BMAL2: variants seen among roughly 807,000 people sequenced by gnomAD.
The protein encoded by BMAL2 is basic helix-loop-helix ARNT like 2.
At chr12:27,360,812 A>AAAAAAAAAAAAAAC in the BMAL2 span, among the ~76,000 whole-genome samples, 2 of 148,838 alleles carry the variant, frequency 1.3e-5, 1 homozygote, top group Admixed American at 1.4e-4. Context: ...CCAAAAAAAA[A>AAAAAAAAAAAAAAC]AAAAAAAAAA....
At chr12:27,404,781 C>A in the BMAL2 span, among the ~76,000 whole-genome samples, 1 of 152,238 alleles carries the variant, frequency 6.6e-6, no homozygotes, top group Non-Finnish European at 1.5e-5. Flanking sequence ...GCGCACCAAG[C>A]GTGAGCCGAA....
the BMAL2 span, chr12:27,370,157 G>A: frequency 1.3e-5 from 21 of 1,613,938 alleles, no homozygotes; most frequent in African/African-American, 9.3e-5. Flanking sequence ...AAAAGTGGTG[G>A]AAAAGCTTTC....
At chr12:27,419,448 A>G in the BMAL2 span, among the ~76,000 whole-genome samples, 5 of 152,304 alleles carry the variant, frequency 3.3e-5, no homozygotes, top group South Asian at 2.1e-4. Context: ...TTTTATCACA[A>G]ACTCCCTCTT....
the BMAL2 span, among the ~76,000 whole-genome samples, chr12:27,404,756 A>AGGAT: frequency 1.3e-5 from 2 of 152,166 alleles, no homozygotes; most frequent in East Asian, 3.9e-4. Context: ...CAGTGGGTGC[A>AGGAT]GGACAGTGGG....
the BMAL2 span, among the ~76,000 whole-genome samples, chr12:27,371,900 C>G: frequency 6.6e-6 from 1 of 152,190 alleles, no homozygotes; most frequent in Non-Finnish European, 1.5e-5. Flanking sequence ...CCATTCTCCT[C>G]TCTCCTGATC....
chr12:27,374,700 C>T, the BMAL2 span, among the ~76,000 whole-genome samples: 1 of 152,208 alleles, frequency 6.6e-6, no homozygotes, highest in Non-Finnish European at 1.5e-5. Context: ...ACACAACAGG[C>T]TGACGGTGGT....
the BMAL2 span, chr12:27,387,108 A>G: frequency 1.5e-6 from 1 of 682,006 alleles, no homozygotes; most frequent in Non-Finnish European, 2.6e-6. Flanking sequence ...TAGCTCCATG[A>G]CTACTCTGTT....
chr12:27,416,847 C>T, the BMAL2 span, among the ~76,000 whole-genome samples: 4 of 152,072 alleles, frequency 2.6e-5, no homozygotes, highest in Non-Finnish European at 5.9e-5. Flanking sequence ...CTGTAATCCC[C>T]GCTACTGCAG....
chr12:27,403,416 C>T, the BMAL2 span: 1 of 1,446,922 alleles, frequency 6.9e-7, no homozygotes. Context: ...TGAATTTCTC[C>T]TTTTGCTGTT....
the BMAL2 span, among the ~76,000 whole-genome samples, chr12:27,374,987 TTGGAA>T: frequency 1.3e-5 from 2 of 152,328 alleles, no homozygotes; most frequent in African/African-American, 4.8e-5. Context: ...TCTTTTTTAT[TTGGAA>T]TATTTATAAG....
At chr12:27,356,076 C>T in the BMAL2 span, among the ~76,000 whole-genome samples, 1 of 152,132 alleles carries the variant, frequency 6.6e-6, no homozygotes, top group African/African-American at 2.4e-5. Flanking sequence ...TTGGCCTTCC[C>T]TGTCCAGGCT....
At chr12:27,367,640 T>C in the BMAL2 span, among the ~76,000 whole-genome samples, 1 of 152,142 alleles carries the variant, frequency 6.6e-6, no homozygotes, top group Non-Finnish European at 1.5e-5. Context: ...TCTTTTACAA[T>C]ATAGGGGGAA....
the BMAL2 span, among the ~76,000 whole-genome samples, chr12:27,412,375 T>C: frequency 6.6e-6 from 1 of 152,138 alleles, no homozygotes; most frequent in Non-Finnish European, 1.5e-5. Flanking sequence ...GGTTCCTAAC[T>C]AAGGTAAAGT....
chr12:27,364,569 C>G, the BMAL2 span, among the ~76,000 whole-genome samples: 3 of 152,050 alleles, frequency 2.0e-5, no homozygotes, highest in Non-Finnish European at 4.4e-5. Flanking sequence ...ATTACTGTGT[C>G]TTTACAAGTC....
chr12:27,390,310 GA>G, the BMAL2 span: 9 of 1,483,136 alleles, frequency 6.1e-6, no homozygotes, highest in Non-Finnish European at 8.3e-6. Flanking sequence ...TTTCTGTACA[GA>G]AAAAATAAAA....
the BMAL2 span, chr12:27,400,671 C>A: frequency 2.5e-6 from 4 of 1,613,834 alleles, no homozygotes; most frequent in African/African-American, 5.3e-5. Context: ...TGGAAGATTA[C>A]AGCCATATAT....
the BMAL2 span, chr12:27,421,821 G>A: frequency 1.6e-4 from 25 of 152,218 alleles, no homozygotes; most frequent in South Asian, 3.1e-3. Context: ...AATGTTTAAT[G>A]TATATAAACC....
chr12:27,390,141 T>G, the BMAL2 span: 2 of 1,614,074 alleles, frequency 1.2e-6, no homozygotes, highest in East Asian at 2.2e-5. Flanking sequence ...AGGACACGTG[T>G]GTATTCTGGC....
the BMAL2 span, among the ~76,000 whole-genome samples, chr12:27,413,905 A>T: frequency 6.6e-6 from 1 of 152,172 alleles, no homozygotes; most frequent in Admixed American, 6.5e-5. Flanking sequence ...ATGGTGGCAC[A>T]CACCGGTAGT....
Sources: allele counts gnomAD v4.1 joint callset (sites outside exome capture counted in the v4.1 genomes callset), GRCh38; gene constraint gnomAD v4.1.1; transcripts MANE v1.5; gene names NCBI Gene and HGNC (gene_info 2026-07-23, HGNC 2026-07-21).